SLC35D1: variants seen among roughly 807,000 people sequenced by gnomAD.
SLC35D1 encodes nucleotide sugar transporter SLC35D1.
In SLC35D1, 31 loss-of-function variants were observed where a neutral mutation model predicts 46.7. That is an observed-to-expected ratio of 0.66 (90% CI 0.50 to 0.90). The LOEUF (loss-of-function observed/expected upper bound fraction) is 0.90. Among genes scored for constraint, SLC35D1 ranks in the 40% least tolerant of loss-of-function variants. SLC35D1 has a pLI of 0.00. For synonymous variants in SLC35D1, 195 were observed against 164.6 expected, an observed-to-expected ratio of 1.18 and a Z score of -1.41; for missense variants, 397 against 426.2, an observed-to-expected ratio of 0.93 and a Z score of 0.60.
chr1:67,028,273 A>G (rs1322108247), intron 8 of SLC35D1, among the ~76,000 whole-genome samples: 1 of 152,184 alleles, frequency 6.6e-6, no homozygotes, highest in Non-Finnish European at 1.5e-5. Flanking sequence ...TTATCTTGGT[A>G]TATACCCAAT....
chr1:67,050,135 G>A (rs1024444766), intron 5 of SLC35D1, among the ~76,000 whole-genome samples: 3 of 152,080 alleles, frequency 2.0e-5, no homozygotes, highest in African/African-American at 7.2e-5. Context: ...TTCATTTGGA[G>A]CTAGACATGA....
At chr1:66,985,812 A>C in the SLC35D1 span, 2 of 771,028 alleles carry the variant, frequency 2.6e-6, no homozygotes, top group African/African-American at 2.4e-5. Flanking sequence ...AAGGATTATA[A>C]AATTTTTTTT....
chr1:66,986,489 G>C, the SLC35D1 span: 1 of 1,548,804 alleles, frequency 6.5e-7, no homozygotes, highest in South Asian at 1.1e-5. Flanking sequence ...CTGTGGTCTT[G>C]TTTTTAATGG....
At chr1:66,986,354 A>G in the SLC35D1 span, 1 of 1,589,766 alleles carries the variant, frequency 6.3e-7, no homozygotes, top group Non-Finnish European at 8.5e-7. Flanking sequence ...AGACCAACCT[A>G]TATCCAAACT....
intron 8 of SLC35D1, among the ~76,000 whole-genome samples, chr1:67,022,199 ATCATC>A (rs553404255): frequency 6.2e-4 from 94 of 152,320 alleles, no homozygotes; most frequent in African/African-American, 2.1e-3. Context: ...GGGTACACTG[ATCATC>A]TCATCTCTTG....
At chr1:67,035,213 G>A (rs1558161251) in intron 8 of SLC35D1, among the ~76,000 whole-genome samples, 1 of 152,122 alleles carries the variant, frequency 6.6e-6, no homozygotes, top group Non-Finnish European at 1.5e-5. Flanking sequence ...TGGCCTTGTA[G>A]AATGAATTTG....
chr1:66,999,030 C>T (rs934334941), downstream of SLC35D1, among the ~76,000 whole-genome samples: 1 of 152,126 alleles, frequency 6.6e-6, no homozygotes, highest in Non-Finnish European at 1.5e-5. Flanking sequence ...ATATGCTTCT[C>T]CCTCTGACAC....
the SLC35D1 span, chr1:66,984,842 T>G: frequency 6.2e-7 from 1 of 1,609,264 alleles, no homozygotes; most frequent in Non-Finnish European, 8.5e-7. Flanking sequence ...TCTTCTGAAT[T>G]TTTCCAAGAA....
chr1:66,988,290 A>G, the SLC35D1 span: 6 of 152,360 alleles, frequency 3.9e-5, no homozygotes, highest in Non-Finnish European at 7.3e-5. Context: ...TCTGTATCAC[A>G]TAATTCTACT....
chr1:66,985,359 CAG>C, the SLC35D1 span: 1 of 984,956 alleles, frequency 1.0e-6, no homozygotes, highest in Non-Finnish European at 1.2e-6. Flanking sequence ...GTCTTTAAAA[CAG>C]ACATTTTTCT....
chr1:67,017,793 T>A (rs1272007168), intron 10 of SLC35D1, among the ~76,000 whole-genome samples: 1 of 152,214 alleles, frequency 6.6e-6, no homozygotes, highest in African/African-American at 2.4e-5. Flanking sequence ...TGCCACCTTC[T>A]AAAATGGGAC....
chr1:67,030,587 ATT>A (rs546746547), intron 8 of SLC35D1, among the ~76,000 whole-genome samples: 46 of 148,798 alleles, frequency 3.1e-4, no homozygotes, highest in African/African-American at 1.1e-3. Context: ...ATTACTTTTA[ATT>A]TTTTTTTTTA....
intron 8 of SLC35D1, among the ~76,000 whole-genome samples, chr1:67,030,768 T>G (rs2102311420): frequency 6.6e-6 from 1 of 152,284 alleles, no homozygotes; most frequent in Admixed American, 6.5e-5. Flanking sequence ...CAGGCAGGAT[T>G]TGAGGCACAA....
rs1667334576 is a variant in SLC35D1, at chr1:67,001,290, T to C, written c.*3050A>G. The C allele has an allele frequency of 6.6e-6, 1 of 152,010 alleles. No homozygotes were observed. Among genetic ancestry groups the C allele is most frequent in the Non-Finnish European group, 1.5e-5 (1 of 67,986 alleles). 9.4% of individuals were successfully genotyped at this position (152,010 alleles called of 1,614,324 possible). A position where few individuals can be genotyped will look rare whatever the true frequency, so the allele number is the denominator to read the frequency against. On this transcript the variant is annotated 3_prime_UTR_variant, in exon 12 of 12. Coordinates refer to ENST00000235345, the MANE Select transcript of SLC35D1 (RefSeq NM_015139.3). ...CCATGGATTCTTGATAAAACAGGACTACCAAAAGCGTGTAAATGCACTTTT... is the reference window on the plus strand; with the variant it reads ...CCATGGATTCTTGATAAAACAGGACCACCAAAAGCGTGTAAATGCACTTTT...
At chr1:66,976,150 C>G in the SLC35D1 span, among the ~76,000 whole-genome samples, 4 of 152,044 alleles carry the variant, frequency 2.6e-5, no homozygotes, top group Admixed American at 2.6e-4. Flanking sequence ...ATTACAGGCA[C>G]CTGCCACCAT....
chr1:67,038,810 C>A (rs1031252632), intron 8 of SLC35D1, among the ~76,000 whole-genome samples: 2 of 147,280 alleles, frequency 1.4e-5, no homozygotes, highest in East Asian at 3.9e-4. Context: ...ACTTTGAGAA[C>A]CTTGGATAAA....
intron 11 of SLC35D1, among the ~76,000 whole-genome samples, chr1:67,008,092 A>T (rs925755085): frequency 2.0e-5 from 3 of 152,180 alleles, no homozygotes; most frequent in Admixed American, 6.5e-5. Flanking sequence ...CTTTTAAAAA[A>T]TTTTCAAGCA....
intron 10 of SLC35D1, among the ~76,000 whole-genome samples, chr1:67,014,362 A>T (rs1667634898): frequency 6.6e-6 from 1 of 152,190 alleles, no homozygotes; most frequent in African/African-American, 2.4e-5. Flanking sequence ...GATAAACTTT[A>T]ATCTTTTTCA....
chr1:66,986,668 C>T, the SLC35D1 span: 2 of 515,074 alleles, frequency 3.9e-6, no homozygotes, highest in African/African-American at 3.9e-5. Context: ...CACTTGACTT[C>T]ATCTTAATGT....
Sources: gnomAD v4.1 joint callset for allele counts (sites outside exome capture counted in the v4.1 genomes callset) on GRCh38, gnomAD v4.1.1 for gene constraint, MANE v1.5 for transcripts, NCBI Gene and HGNC (gene_info 2026-07-23, HGNC 2026-07-21) for gene names.